GABRG3: variants seen among roughly 807,000 people sequenced by gnomAD.
GABRG3 encodes the protein gamma-aminobutyric acid receptor subunit gamma-3.
Under a neutral mutation model 48.8 loss-of-function variants are expected in GABRG3, and 25 were observed. The ratio of observed to expected loss-of-function variants is 0.51; its 90% CI spans 0.37 to 0.72. The LOEUF is 0.72. Ranked by LOEUF, GABRG3 falls within the 30% of genes least tolerant of loss-of-function variation. The pLI, the probability that GABRG3 is intolerant of heterozygous loss-of-function variation, is 0.00. For synonymous variants in GABRG3, 227 were observed against 217.6 expected, an observed-to-expected ratio of 1.04 and a Z score of -0.38; for missense variants, 394 against 577.9, an observed-to-expected ratio of 0.68 and a Z score of 3.26.
At chr15:27,391,408 A>T (rs1371787416) in intron 5 of GABRG3, among the ~76,000 whole-genome samples, 1 of 152,194 alleles carries the variant, frequency 6.6e-6, no homozygotes, top group Non-Finnish European at 1.5e-5. Context: ...GTGGTAATGT[A>T]GAACTACAAA....
At chr15:27,406,125 C>G (rs957908583) in intron 5 of GABRG3, among the ~76,000 whole-genome samples, 2 of 151,696 alleles carry the variant, frequency 1.3e-5, no homozygotes, top group East Asian at 3.9e-4. Flanking sequence ...GACTCCATCT[C>G]AAAAAAATTG....
chr15:27,327,108 C>T, intron 4 of GABRG3, 79 bp downstream of exon 4: 2 of 1,209,404 alleles, frequency 1.7e-6, no homozygotes, highest in Admixed American at 2.0e-5. Flanking sequence ...GAATGAGACC[C>T]TATTTTCATC....
chr15:27,521,867 A>T (rs1891168342), intron 7 of GABRG3, among the ~76,000 whole-genome samples: 1 of 152,042 alleles, frequency 6.6e-6, no homozygotes, highest in African/African-American at 2.4e-5. Flanking sequence ...CCTGTGATAC[A>T]ATATGAATAT....
chr15:27,134,373 C>G (rs1027469042), intron 3 of GABRG3, among the ~76,000 whole-genome samples: 1 of 152,118 alleles, frequency 6.6e-6, no homozygotes, highest in Non-Finnish European at 1.5e-5. Context: ...AAAAGAACCT[C>G]CCCCATCTCC....
At chr15:27,161,638 A>G (rs896299406) in intron 3 of GABRG3, among the ~76,000 whole-genome samples, 2 of 152,132 alleles carry the variant, frequency 1.3e-5, no homozygotes, top group Admixed American at 6.5e-5. Flanking sequence ...TTTTCTTAAA[A>G]TTTGAATACT....
At chr15:27,037,953 C>T (rs1166863868) in intron 3 of GABRG3, among the ~76,000 whole-genome samples, 1 of 152,108 alleles carries the variant, frequency 6.6e-6, no homozygotes, top group Non-Finnish European at 1.5e-5. Context: ...CCCTTGCCCT[C>T]ACCCCGTCCC....
intron 6 of GABRG3, among the ~76,000 whole-genome samples, chr15:27,514,238 G>A (rs528497538): frequency 3.9e-5 from 6 of 152,292 alleles, no homozygotes; most frequent in Admixed American, 3.9e-4. Context: ...TTAACAAATT[G>A]CCACAAACTT....
intron 3 of GABRG3, among the ~76,000 whole-genome samples, chr15:27,121,298 A>G (rs921283916): frequency 6.6e-6 from 1 of 152,160 alleles, no homozygotes; most frequent in Non-Finnish European, 1.5e-5. Context: ...CGGTTGCTGT[A>G]AGGTAGATGT....
chr15:27,429,568 A>T (rs1438414127), intron 5 of GABRG3, among the ~76,000 whole-genome samples: 1 of 152,192 alleles, frequency 6.6e-6, no homozygotes, highest in East Asian at 1.9e-4. Context: ...CCCAGTATAC[A>T]TATTAACTTC....
At position 26,976,880 on chromosome 15, in the gene GABRG3, G is replaced by A. The variant is rs1894959050; in HGVS notation, c.54-122G>A. ...AATATTTTCGGGTTTTCACGTGTGT[G>A]GTTGGGCTGTGGGTACTGGGGACTT... On this transcript the variant is annotated intron_variant, in intron 1 of 9. Transcript: ENST00000615808. This position sits in a 1 kb window ranked among gnomAD's most constrained non-coding sequence, Gnocchi z 7.8. 3 of 878,396 alleles carry A rather than the reference G, an allele frequency of 3.4e-6. No homozygotes were observed. The Admixed American group carries it at 8.0e-5, about 23-fold the overall frequency. The allele number at this position is 878,396 out of a possible 1,614,324, so 54.4% of individuals were successfully genotyped here.
intron 3 of GABRG3, among the ~76,000 whole-genome samples, chr15:27,254,562 G>A (rs528644820): frequency 6.6e-6 from 1 of 152,212 alleles, no homozygotes; most frequent in South Asian, 2.1e-4. Flanking sequence ...TCAAGGTGCT[G>A]GCAGATTCAG....
chr15:27,323,913 A>G (rs943178796), intron 3 of GABRG3, among the ~76,000 whole-genome samples: 3 of 152,174 alleles, frequency 2.0e-5, no homozygotes, highest in Non-Finnish European at 2.9e-5. Flanking sequence ...ATGGGTGAGC[A>G]GGTCCCACAT....
chr15:27,316,473 G>A (rs1242347224), intron 3 of GABRG3, among the ~76,000 whole-genome samples: 1 of 151,908 alleles, frequency 6.6e-6, no homozygotes, highest in African/African-American at 2.4e-5. Flanking sequence ...ACCATCTTTG[G>A]ATAGAAAATT....
At chr15:27,075,816 C>G (rs67723001) in intron 3 of GABRG3, among the ~76,000 whole-genome samples, 31,387 of 152,104 alleles carry the variant, frequency 0.21, 3,400 homozygotes, top group Middle Eastern at 0.27. Flanking sequence ...AGGACAAGTC[C>G]TCTGTCAGAT....
At chr15:27,274,173 G>T (rs1891178454) in intron 3 of GABRG3, among the ~76,000 whole-genome samples, 1 of 152,184 alleles carries the variant, frequency 6.6e-6, no homozygotes, top group Non-Finnish European at 1.5e-5. Flanking sequence ...GGACAGAGTA[G>T]TGACTGGAAG....
At chr15:27,099,141 A>G (rs1338234792) in intron 3 of GABRG3, among the ~76,000 whole-genome samples, 2 of 152,248 alleles carry the variant, frequency 1.3e-5, no homozygotes, top group Non-Finnish European at 2.9e-5. Context: ...TGTAGTATGC[A>G]GAGAAAATAC....
intron 3 of GABRG3, among the ~76,000 whole-genome samples, chr15:27,306,771 C>CAATATAAACATGTTTATATATAAACATAA (rs1892514822): frequency 1.3e-5 from 1 of 79,152 alleles, no homozygotes; most frequent in Non-Finnish European, 2.5e-5. Context: ...TATAAACATA[C>CAATATAAACATGTTTATATATAAACATAA]AATATAAACA....
intron 3 of GABRG3, among the ~76,000 whole-genome samples, chr15:27,219,623 G>T (rs1018699428): frequency 6.6e-6 from 1 of 152,156 alleles, no homozygotes; most frequent in Non-Finnish European, 1.5e-5. Context: ...CAGCACCTCT[G>T]TGCCCACCAG....
intron 3 of GABRG3, among the ~76,000 whole-genome samples, chr15:27,318,152 T>C (rs1215026471): frequency 6.6e-6 from 1 of 152,190 alleles, no homozygotes. Context: ...TGCACACTTA[T>C]GAGCACTTTG....
Sources: gnomAD v4.1 joint callset for allele counts (sites outside exome capture counted in the v4.1 genomes callset) on GRCh38, gnomAD v4.1.1 for gene constraint, Gnocchi (gnomAD v3.1) non-coding constraint, MANE v1.5 for transcripts, NCBI Gene and HGNC (gene_info 2026-07-23, HGNC 2026-07-21) for gene names.